The following RELN variants were observed in gnomAD, a reference collection of about 807,000 sequenced individuals.
RELN encodes reelin.
Under a neutral mutation model 427.6 loss-of-function variants are expected in RELN, and 108 were observed. The ratio of observed to expected loss-of-function variants is 0.25; its 90% confidence interval spans 0.22 to 0.30. The LOEUF (loss-of-function observed/expected upper bound fraction) is 0.30. Ranked by LOEUF, RELN falls within the 10% of genes least tolerant of loss-of-function variation. RELN has a pLI of 1.00. For missense variants in RELN, 3,715 were observed against 4,302.8 expected, an observed-to-expected ratio of 0.86 and a Z score of 3.82; for synonymous variants, 1,524 against 1,513.4, an observed-to-expected ratio of 1.01 and a Z score of -0.16.
At chr7:103,896,243 C>T (rs1457483830) in intron 2 of RELN, among the ~76,000 whole-genome samples, 1 of 151,984 alleles carries the variant, frequency 6.6e-6, no homozygotes, top group African/African-American at 2.4e-5. Flanking sequence ...TTAAAAGGTA[C>T]ACCATTTTGA....
rs995412276 is a variant in RELN at position 103,968,877 on chromosome 7, G to A, written c.226+20254C>T. Among the ~76,000 whole-genome samples, 10 of 152,046 alleles carry A rather than the reference G, an allele frequency of 6.6e-5. No individual in the cohort carries two copies. The highest frequency in any genetic ancestry group is 1.3e-4 in the Admixed American group (2 of 15,264). ...GTATATGAATTGTCATGGTTTTATG[G>A]AAATATAACAAGCCAGTAAGTACCA... is the stretch of plus-strand genomic sequence containing the variant. On this transcript the variant is annotated intron_variant, in intron 1 of 64. Coordinates refer to ENST00000428762, the MANE Select transcript of RELN (RefSeq NM_005045.4). This position sits in a 1 kb window ranked among gnomAD's most constrained non-coding sequence, Gnocchi z 4.3.
chr7:103,728,068 A>G (rs1390313724), intron 7 of RELN, 43 bp downstream of exon 7: 1 of 1,594,618 alleles, frequency 6.3e-7, no homozygotes, highest in Non-Finnish European at 8.6e-7. Flanking sequence ...AAAGCTCAGT[A>G]AATACTATAA....
intron 51 of RELN, among the ~76,000 whole-genome samples, chr7:103,509,190 G>C (rs1030047273): frequency 9.9e-5 from 15 of 152,172 alleles, no homozygotes; most frequent in Non-Finnish European, 1.5e-5. Flanking sequence ...AGCCTGTATA[G>C]CCAAGACAAT....
At position 103,906,514 on chromosome 7, in the gene RELN, G is replaced by T. The variant is rs79862436; in HGVS notation, c.337+10561C>A. 3.7e-3 allele frequency among the ~76,000 whole-genome samples: 535 copies of T among 145,324 alleles called. 10 individuals are homozygous for T. In the East Asian group the frequency reaches 0.056, roughly 15 times the overall value. Reference sequence around the variant, plus strand: ...TAAAATAGGAGCCTGGAAAGCTCCGGTACCTCAGGCAGCATTCTGACTCTC... The same window carrying T: ...TAAAATAGGAGCCTGGAAAGCTCCGTTACCTCAGGCAGCATTCTGACTCTC... On this transcript the variant is annotated intron_variant, in intron 2 of 64. Coordinates refer to ENST00000428762, the MANE Select transcript of RELN (RefSeq NM_005045.4).
At chr7:103,783,402 C>T (rs1318776599) in intron 3 of RELN, among the ~76,000 whole-genome samples, 1 of 152,030 alleles carries the variant, frequency 6.6e-6, no homozygotes, top group Non-Finnish European at 1.5e-5. Context: ...TTTTGTTAAA[C>T]TCTCAACTTC....
At chr7:103,899,031 A>T (rs3857817) in intron 2 of RELN, among the ~76,000 whole-genome samples, 28,972 of 151,692 alleles carry the variant, frequency 0.19, 3,526 homozygotes, top group South Asian at 0.38. Context: ...GTTCTAAGAT[A>T]GATAGACCAC....
intron 53 of RELN, among the ~76,000 whole-genome samples, chr7:103,498,971 TC>T (rs141678150): frequency 0.028 from 4,311 of 152,246 alleles, 74 homozygotes; most frequent in African/African-American, 0.054. Context: ...TCCAGCACTT[TC>T]CCCCTGACAT....
rs55656324 is a variant in RELN at position 103,989,356 on chromosome 7, TGCCGCCGCCGCC to T, written c.-12_-1del. The T allele has an allele frequency of 3.3e-3, 4,577 of 1,408,200 alleles. 99 individuals carry two copies. Among genetic ancestry groups the T allele is most frequent in the Non-Finnish European group, 3.8e-3 (4,113 of 1,082,310 alleles). The allele number at this position is 1,408,200 out of a possible 1,614,324, so 87.2% of individuals were successfully genotyped here. Reference sequence around the variant, plus strand: ...TGCCGGGCCCAGCCACTGCGCTCCATGCCGCCGCCGCCGCCGCCGCCGCCGCGCGCCCTACGC... The same window carrying T: ...TGCCGGGCCCAGCCACTGCGCTCCATGCCGCCGCCGCCGCGCGCCCTACGC... On this transcript the variant is annotated 5_prime_UTR_variant, in exon 1 of 65. Transcript: ENST00000428762. This position sits in a 1 kb window ranked among gnomAD's most constrained non-coding sequence, Gnocchi z 4.9.
intron 2 of RELN, among the ~76,000 whole-genome samples, chr7:103,873,964 A>T (rs1361274690): frequency 7.0e-6 from 1 of 142,618 alleles, no homozygotes; most frequent in Non-Finnish European, 1.5e-5. Context: ...TCAATAAAAT[A>T]CTGGCAAACC....
intron 2 of RELN, among the ~76,000 whole-genome samples, chr7:103,833,881 C>A (rs540078738): frequency 6.6e-6 from 1 of 152,268 alleles, no homozygotes; most frequent in East Asian, 1.9e-4. Flanking sequence ...CTGCTGGAAT[C>A]ATTGCTATAA....
At chr7:103,729,887 T>C (rs1214807173) in intron 6 of RELN, among the ~76,000 whole-genome samples, 1 of 152,082 alleles carries the variant, frequency 6.6e-6, no homozygotes, top group Non-Finnish European at 1.5e-5. Context: ...TTCCACCATT[T>C]TCCTCTACTC....
intron 2 of RELN, among the ~76,000 whole-genome samples, chr7:103,894,763 G>A (rs1208656447): frequency 6.6e-6 from 1 of 152,104 alleles, no homozygotes; most frequent in Non-Finnish European, 1.5e-5. Context: ...GCAATTATTA[G>A]GATCAAGAGA....
intron 10 of RELN, among the ~76,000 whole-genome samples, chr7:103,696,871 G>C (rs1292717524): frequency 2.6e-5 from 4 of 152,130 alleles, no homozygotes; most frequent in African/African-American, 9.7e-5. Context: ...TCACCTTCAA[G>C]ATAAAAATTC....
chr7:103,571,428 T>C (rs1457818867), intron 31 of RELN, among the ~76,000 whole-genome samples: 1 of 152,104 alleles, frequency 6.6e-6, no homozygotes, highest in Non-Finnish European at 1.5e-5. Flanking sequence ...AGGCAGAAGA[T>C]GGTATGAGTG....
At chr7:103,691,796 C>T (rs1833876193) in intron 10 of RELN, among the ~76,000 whole-genome samples, 1 of 152,074 alleles carries the variant, frequency 6.6e-6, no homozygotes, top group Admixed American at 6.6e-5. Flanking sequence ...CTGGGCAACA[C>T]AGCAAGACTC....
At chr7:103,745,943 G>A (rs1790812588) in intron 6 of RELN, among the ~76,000 whole-genome samples, 1 of 152,132 alleles carries the variant, frequency 6.6e-6, no homozygotes, top group Admixed American at 6.5e-5. Context: ...AACCAAAAAA[G>A]AGCTCACATT....
rs189870194 is a variant in RELN at position 103,934,846 on chromosome 7, C to T, written c.227-17661G>A. On this transcript the variant is annotated intron_variant, in intron 1 of 64. Coordinates refer to ENST00000428762, the MANE Select transcript of RELN (RefSeq NM_005045.4). ...GGAATGGGAATAAGAAGAATGTTCACCTCATCTGCTCTAGGTGAGAATCAT... is the reference window on the plus strand; with the variant it reads ...GGAATGGGAATAAGAAGAATGTTCATCTCATCTGCTCTAGGTGAGAATCAT... Among the ~76,000 whole-genome samples the T allele has an allele frequency of 7.2e-5, 11 of 152,276 alleles. No individual in the cohort carries two copies. The East Asian group carries it at 2.1e-3, about 29-fold the overall frequency.
At chr7:103,749,938 C>G (rs748409500) in intron 5 of RELN, among the ~76,000 whole-genome samples, 5 of 152,108 alleles carry the variant, frequency 3.3e-5, no homozygotes, top group African/African-American at 7.2e-5. Flanking sequence ...GCAAGTTACT[C>G]TCATGCTGTT....
chr7:103,855,217 T>C (rs952924238), intron 2 of RELN, among the ~76,000 whole-genome samples: 2 of 152,294 alleles, frequency 1.3e-5, no homozygotes, highest in Non-Finnish European at 2.9e-5. Context: ...AGCGGAAAAG[T>C]GCTGTTCCCA....
Sources: allele counts gnomAD v4.1 joint callset (sites outside exome capture counted in the v4.1 genomes callset), GRCh38; gene constraint gnomAD v4.1.1; non-coding constraint Gnocchi (gnomAD v3.1); transcripts MANE v1.5; gene names NCBI Gene and HGNC (gene_info 2026-07-23, HGNC 2026-07-21).